The following PLEKHA5 variants were observed in gnomAD, a reference collection of about 807,000 sequenced individuals.
PLEKHA5 encodes the protein pleckstrin homology domain-containing family A member 5.
Under a neutral mutation model 181.9 loss-of-function variants are expected in PLEKHA5, and 55 were observed. The ratio of observed to expected loss-of-function variants is 0.30; its 90% CI spans 0.24 to 0.38. The LOEUF (loss-of-function observed/expected upper bound fraction) is 0.38. Ranked by LOEUF, PLEKHA5 falls within the 10% of genes least tolerant of loss-of-function variation. The probability of loss-of-function intolerance (pLI) is 1.00; values close to 1 mark genes in which losing one functional copy is unlikely to be tolerated. For missense variants in PLEKHA5, 1,432 were observed against 1,549.5 expected (o/e 0.92, Z 1.27); for synonymous variants, 535 against 529.4 (o/e 1.01, Z -0.15).
chr12:19,217,090 C>T (rs1238582200), intron 3 of PLEKHA5, among the ~76,000 whole-genome samples: 2 of 152,152 alleles, frequency 1.3e-5, no homozygotes, highest in African/African-American at 2.4e-5. Context: ...AGAATGGCAA[C>T]GCCAAGGATT....
chr12:19,374,784 G>A (rs1451085271), intron 31 of PLEKHA5, among the ~76,000 whole-genome samples: 4 of 151,438 alleles, frequency 2.6e-5, no homozygotes, highest in East Asian at 1.9e-4. Context: ...GTGAAACCCC[G>A]TCTCTACTAA....
At chr12:19,226,458 G>A (rs901351343) in intron 3 of PLEKHA5, among the ~76,000 whole-genome samples, 30 of 152,080 alleles carry the variant, frequency 2.0e-4, no homozygotes, top group Non-Finnish European at 3.1e-4. Context: ...ATATATACCT[G>A]GGAGTTGAAT....
intron 29 of PLEKHA5, among the ~76,000 whole-genome samples, chr12:19,364,139 G>GT (rs1388164940): frequency 2.6e-5 from 4 of 152,074 alleles, no homozygotes; most frequent in African/African-American, 9.7e-5. Flanking sequence ...TATTTATCAT[G>GT]TTTTTTTCCC....
At chr12:19,178,601 G>A (rs1332795179) in intron 3 of PLEKHA5, among the ~76,000 whole-genome samples, 1 of 152,200 alleles carries the variant, frequency 6.6e-6, no homozygotes, top group Non-Finnish European at 1.5e-5. Flanking sequence ...TAGCTTTTGA[G>A]AACCTGCTTA....
chr12:19,352,767 G>T (rs574571372), intron 25 of PLEKHA5, among the ~76,000 whole-genome samples: 1 of 151,588 alleles, frequency 6.6e-6, no homozygotes, highest in South Asian at 2.1e-4. Flanking sequence ...CAGTTAATCT[G>T]TACAATTTTT....
At chr12:19,224,671 A>G (rs1426648230) in intron 3 of PLEKHA5, among the ~76,000 whole-genome samples, 2 of 152,216 alleles carry the variant, frequency 1.3e-5, no homozygotes, top group Non-Finnish European at 2.9e-5. Context: ...AATTTGCTTC[A>G]GTGACTATCT....
chr12:19,210,316 A>G (rs945497207), intron 3 of PLEKHA5, among the ~76,000 whole-genome samples: 6 of 152,242 alleles, frequency 3.9e-5, no homozygotes, highest in African/African-American at 1.2e-4. Context: ...GACATTTTTA[A>G]AAGTATAAGT....
At position 19,130,536 on chromosome 12, in the gene PLEKHA5, GTCCTTA is replaced by G. The variant is rs1164525134; in HGVS notation, c.169+407_169+412del. On this transcript the variant is annotated intron_variant, in intron 2 of 31. Transcript: ENST00000429027. This position sits in a 1 kb window ranked among gnomAD's most constrained non-coding sequence, Gnocchi z 4.5. ...CTTGCCCCCCAGCAATCTTCAGGCA[GTCCTTA>G]CCCACTCCCCTCCCTGCAGCCCCGG... Among the ~76,000 whole-genome samples the G allele has an allele frequency of 6.6e-6, 1 of 151,740 alleles. No individual in the cohort carries two copies. Among genetic ancestry groups the G allele is most frequent in the Non-Finnish European group, 1.5e-5 (1 of 67,898 alleles).
intron 3 of PLEKHA5, among the ~76,000 whole-genome samples, chr12:19,197,283 C>T (rs1350427480): frequency 2.6e-5 from 4 of 152,186 alleles, no homozygotes; most frequent in African/African-American, 9.7e-5. Context: ...GTCTCCCATT[C>T]AGACCAGTCT....
intron 3 of PLEKHA5, among the ~76,000 whole-genome samples, chr12:19,229,646 T>A (rs1382581463): frequency 6.6e-6 from 1 of 152,170 alleles, no homozygotes; most frequent in Non-Finnish European, 1.5e-5. Context: ...CAGCAAGATA[T>A]ATCGCAAAGA....
chr12:19,229,816 T>C (rs1655685764), intron 3 of PLEKHA5, among the ~76,000 whole-genome samples: 1 of 152,164 alleles, frequency 6.6e-6, no homozygotes. Context: ...GAGAGCTGAT[T>C]GGTCCGTTTT....
intron 20 of PLEKHA5, among the ~76,000 whole-genome samples, chr12:19,335,023 G>GT (rs1166939142): frequency 1.2e-3 from 72 of 57,796 alleles, no homozygotes; most frequent in African/African-American, 2.0e-3. Flanking sequence ...GATAGCTTCA[G>GT]TTTTTTGTTT....
intron 3 of PLEKHA5, among the ~76,000 whole-genome samples, chr12:19,191,993 G>T (rs12818330): frequency 0.093 from 14,204 of 152,102 alleles, 816 homozygotes; most frequent in Admixed American, 0.19. Flanking sequence ...TGCAGGAGGG[G>T]ACTATACAAA....
At chr12:19,203,077 A>G (rs1388723123) in intron 3 of PLEKHA5, among the ~76,000 whole-genome samples, 1 of 152,106 alleles carries the variant, frequency 6.6e-6, no homozygotes, top group Non-Finnish European at 1.5e-5. Context: ...GAAGGCCTCA[A>G]GTTTAAAGGA....
At chr12:19,373,134 C>T (rs147693620) in intron 31 of PLEKHA5, 1 of 152,350 alleles carries the variant, frequency 6.6e-6, no homozygotes, top group African/African-American at 2.4e-5. Context: ...AATGCCAGCA[C>T]TTTGGGAGGC....
At chr12:19,354,094 A>AT in intron 26 of PLEKHA5, 92 bp downstream of exon 26, 1 of 277,110 alleles carries the variant, frequency 3.6e-6, no homozygotes. Context: ...TATCAAAATT[A>AT]TTTTTGCATA....
intron 3 of PLEKHA5, chr12:19,150,567 G>C (rs2040144662): frequency 6.6e-6 from 1 of 152,224 alleles, no homozygotes; most frequent in Non-Finnish European, 1.5e-5. Context: ...CCTCTTTGCT[G>C]CTAAATTCTC....
intron 3 of PLEKHA5, among the ~76,000 whole-genome samples, chr12:19,181,314 A>G (rs1352037846): frequency 6.6e-6 from 1 of 152,212 alleles, no homozygotes; most frequent in Non-Finnish European, 1.5e-5. Context: ...AGTACCTAAA[A>G]TGTGTTATCT....
chr12:19,306,764 C>A, intron 15 of PLEKHA5: 1 of 975,350 alleles, frequency 1.0e-6, no homozygotes. Context: ...TTGCCAATCG[C>A]AATCTCGTTA....
Sources: allele counts gnomAD v4.1 joint callset (sites outside exome capture counted in the v4.1 genomes callset), GRCh38; gene constraint gnomAD v4.1.1; non-coding constraint Gnocchi (gnomAD v3.1); transcripts MANE v1.5; gene names NCBI Gene and HGNC (gene_info 2026-07-23, HGNC 2026-07-21).